Variants in AATK observed in about 807,000 individuals in gnomAD.
The protein encoded by AATK is serine/threonine-protein kinase LMTK1.
A neutral mutation model predicts 114.3 loss-of-function variants in AATK; 91 were observed. That is an observed-to-expected ratio of 0.80 (90% CI 0.67 to 0.95). AATK has a LOEUF of 0.95. Ranked by LOEUF, AATK falls within the 40% of genes least tolerant of loss-of-function variation. The pLI is 0.00. For synonymous variants in AATK, 1,075 were observed against 916.5 expected (o/e 1.17, Z -3.12); for missense variants, 2,176 against 1,965.2 (o/e 1.11, Z -2.03).
chr17:81,163,977 C>T (rs560457467), intron 1 of AATK, among the ~76,000 whole-genome samples: 12 of 152,244 alleles, frequency 7.9e-5, no homozygotes, highest in Non-Finnish European at 1.6e-4. Context: ...GGTGCCCCCC[C>T]ACAGACACAA....
intron 1 of AATK, among the ~76,000 whole-genome samples, chr17:81,150,159 G>A (rs1279386166): frequency 6.6e-6 from 1 of 152,178 alleles, no homozygotes; most frequent in Non-Finnish European, 1.5e-5. Context: ...CTGGGCTGAT[G>A]AGAATGTTCT....
chr17:81,160,767 G>C (rs551867910), intron 1 of AATK, among the ~76,000 whole-genome samples: 1 of 152,354 alleles, frequency 6.6e-6, no homozygotes, highest in East Asian at 1.9e-4. Flanking sequence ...TGCACAGAGG[G>C]GTCAGGTGGC....
chr17:81,123,583 C>T (rs990846565), intron 9 of AATK, among the ~76,000 whole-genome samples: 8 of 152,178 alleles, frequency 5.3e-5, no homozygotes, highest in South Asian at 2.1e-4. Flanking sequence ...CCGGGCTGGC[C>T]GAATCCATCT....
intron 9 of AATK, among the ~76,000 whole-genome samples, chr17:81,124,472 G>A (rs1025800911): frequency 1.3e-5 from 2 of 152,176 alleles, no homozygotes; most frequent in South Asian, 2.1e-4. Context: ...CAGACCCCCC[G>A]GCATGCTGAA....
intron 1 of AATK, among the ~76,000 whole-genome samples, chr17:81,157,178 C>T (rs1418027605): frequency 1.3e-5 from 2 of 152,150 alleles, no homozygotes; most frequent in Non-Finnish European, 1.5e-5. Context: ...GAGGGGAGCC[C>T]GAATGTCCAC....
At chr17:81,149,542 T>C (rs1176689800) in intron 1 of AATK, among the ~76,000 whole-genome samples, 1 of 151,680 alleles carries the variant, frequency 6.6e-6, no homozygotes, top group East Asian at 1.9e-4. Flanking sequence ...AGGACCCTGC[T>C]CACGCCTCCC....
At chr17:81,160,881 G>A (rs1470195823) in intron 1 of AATK, among the ~76,000 whole-genome samples, 1 of 152,212 alleles carries the variant, frequency 6.6e-6, no homozygotes, top group African/African-American at 2.4e-5. Flanking sequence ...CCACATCCGA[G>A]GAGACACCGA....
chr17:81,165,550 C>T (rs751275773), intron 1 of AATK: 3 of 1,030,368 alleles, frequency 2.9e-6, no homozygotes, highest in South Asian at 2.7e-5. Context: ...GCCAGGGCCC[C>T]GGACCCAGGA....
chr17:81,133,167 A>C, intron 2 of AATK: 1 of 470,040 alleles, frequency 2.1e-6, no homozygotes, highest in Non-Finnish European at 4.4e-6. Context: ...TTTGCCCCCC[A>C]GGCACGCAGC....
At chr17:81,119,866 C>T (rs902590712) in intron 12 of AATK, 70 bp downstream of exon 12, 13 of 1,392,998 alleles carry the variant, frequency 9.3e-6, no homozygotes, top group Non-Finnish European at 1.2e-5. Context: ...CATTAGGCCC[C>T]GCCTCCCACA....
rs2060839045 is a variant in AATK at position 81,126,922 on chromosome 17, C to A, written c.622-362G>T. The A allele has an allele frequency of 1.0e-6, 1 of 993,264 alleles. No homozygotes were observed. The highest frequency in any genetic ancestry group is 1.7e-5 in the African/African-American group (1 of 59,822). 61.5% of individuals were successfully genotyped at this position (993,264 alleles called of 1,614,324 possible). On this transcript the variant is annotated intron_variant, in intron 6 of 13. Transcript: ENST00000326724. This position sits in a 1 kb window ranked among gnomAD's most constrained non-coding sequence, Gnocchi z 5.1. Reference sequence around the variant, plus strand: ...AGCCCCTGACCTGCCGAAAGCCCAGCCCCGGGACGGTCAACGTCAGGAGTC... The same window carrying A: ...AGCCCCTGACCTGCCGAAAGCCCAGACCCGGGACGGTCAACGTCAGGAGTC...
At position 81,122,484 on chromosome 17, in the gene AATK, G is replaced by A. The variant is rs1210793485; in HGVS notation, c.1452C>T (p.Gly484=). The A allele has an allele frequency of 6.9e-7, 1 of 1,457,004 alleles. No individual in the cohort carries two copies. The highest frequency in any genetic ancestry group is 1.3e-5 in the South Asian group (1 of 78,810). 90.3% of individuals were successfully genotyped at this position (1,457,004 alleles called of 1,614,324 possible). The change falls in exon 11 of 14, where the codon GGC becomes GGT. Residue 484 remains glycine, a synonymous_variant. Transcript: ENST00000326724. ...GLNFEYKWEA[G]RGAEAFPATL... The stretch of plus-strand genomic sequence containing the variant: ...TGGCCGGGAAGGCCTCCGCGCCGCG[G>A]CCCGCCTCCCACTTGTACTCAAAAT...
At chr17:81,148,345 C>T (rs1421269341) in intron 1 of AATK, among the ~76,000 whole-genome samples, 1 of 152,250 alleles carries the variant, frequency 6.6e-6, no homozygotes, top group Non-Finnish European at 1.5e-5. Flanking sequence ...GCCCCCACCA[C>T]GCTCAGCCTC....
chr17:81,146,487 G>A (rs1166899599), intron 1 of AATK, among the ~76,000 whole-genome samples: 2 of 152,084 alleles, frequency 1.3e-5, no homozygotes, highest in African/African-American at 4.8e-5. Flanking sequence ...AGGCCGAGGT[G>A]GGTGGATCAC....
At chr17:81,129,056 G>A (rs1287193358) in intron 3 of AATK, 6 of 363,140 alleles carry the variant, frequency 1.7e-5, no homozygotes, top group East Asian at 1.4e-4. Flanking sequence ...GGGCCAGGCC[G>A]GGTGAGGTCA....
chr17:81,125,803 G>C, intron 7 of AATK: 1 of 445,510 alleles, frequency 2.2e-6, no homozygotes, highest in South Asian at 1.6e-5. Flanking sequence ...CCTGGGCCTA[G>C]GGGGTGGAGT....
chr17:81,155,064 C>G (rs1369855490), intron 1 of AATK, among the ~76,000 whole-genome samples: 1 of 152,228 alleles, frequency 6.6e-6, no homozygotes, highest in African/African-American at 2.4e-5. Context: ...CATCTTTGCA[C>G]TTTTTGCGTG....
Position 81,122,457 on chromosome 17 carries a change from C to T in AATK, c.1479G>A (p.Thr493=), listed in dbSNP as rs1293868787. 1 of 1,451,830 alleles carries T rather than the reference C, an allele frequency of 6.9e-7. No homozygotes were observed. Among genetic ancestry groups the T allele is most frequent in the Non-Finnish European group, 9.1e-7 (1 of 1,099,734 alleles). The allele number at this position is 1,451,830 out of a possible 1,614,324, so 89.9% of individuals were successfully genotyped here. ...GGCGTGCGGTGCGGCCAGGGCTCAGCGTGGCCGGGAAGGCCTCCGCGCCGC... is the reference window on the plus strand; with the variant it reads ...GGCGTGCGGTGCGGCCAGGGCTCAGTGTGGCCGGGAAGGCCTCCGCGCCGC... ...AGRGAEAFPA[T]LSPGRTARLQ... is the part of the protein sequence containing the mutation. Residue 493 remains threonine (T), a synonymous_variant, in exon 11 of 14, where the codon ACG becomes ACA. Transcript: ENST00000326724.
chr17:81,148,869 C>A (rs2061258297), intron 1 of AATK, among the ~76,000 whole-genome samples: 1 of 152,098 alleles, frequency 6.6e-6, no homozygotes, highest in African/African-American at 2.4e-5. Context: ...GCCAGCGGGG[C>A]CTACCCGAGT....
Sources: allele counts gnomAD v4.1 joint callset (sites outside exome capture counted in the v4.1 genomes callset), GRCh38; gene constraint gnomAD v4.1.1; non-coding constraint Gnocchi (gnomAD v3.1); transcripts MANE v1.5; gene names NCBI Gene and HGNC (gene_info 2026-07-23, HGNC 2026-07-21).